The following CCDC30 variants were observed in gnomAD, a reference collection of about 807,000 sequenced individuals.
The protein encoded by CCDC30 is coiled-coil domain containing 30, also known as coiled-coil domain-containing protein 30.
In CCDC30, 70 loss-of-function variants were observed where a neutral mutation model predicts 100.2. The observed-to-expected ratio is 0.70, with a 90% CI of 0.58 to 0.85. The LOEUF (loss-of-function observed/expected upper bound fraction) is 0.85. Ranked by LOEUF, CCDC30 falls within the 40% of genes least tolerant of loss-of-function variation. CCDC30 has a pLI of 0.00. For missense variants in CCDC30, 652 were observed against 771.2 expected (o/e 0.85, Z 1.83); for synonymous variants, 233 against 269.5 (o/e 0.86, Z 1.33).
intron 6 of CCDC30, among the ~76,000 whole-genome samples, chr1:42,519,981 A>G (rs568723127): frequency 1.3e-5 from 2 of 152,264 alleles, no homozygotes; most frequent in East Asian, 1.9e-4. Context: ...TCCTAATTTA[A>G]TAATTTGAGT....
At chr1:42,570,776 T>C (rs1645717401) in intron 7 of CCDC30, among the ~76,000 whole-genome samples, 1 of 152,230 alleles carries the variant, frequency 6.6e-6, no homozygotes, top group Admixed American at 6.5e-5. Context: ...TCATTCCTGT[T>C]ATAGTGTATA....
intron 3 of CCDC30, among the ~76,000 whole-genome samples, chr1:42,484,259 A>G (rs1366829350): frequency 6.6e-6 from 1 of 152,192 alleles, no homozygotes; most frequent in Non-Finnish European, 1.5e-5. Flanking sequence ...AATTGTACAT[A>G]TTTGTCAGAA....
At chr1:42,554,021 G>A (rs1645314578) in intron 6 of CCDC30, among the ~76,000 whole-genome samples, 1 of 151,954 alleles carries the variant, frequency 6.6e-6, no homozygotes, top group African/African-American at 2.4e-5. Context: ...GTATGTATGT[G>A]TGTACACACG....
chr1:42,527,936 A>G (rs1273860625), intron 6 of CCDC30, among the ~76,000 whole-genome samples: 1 of 151,306 alleles, frequency 6.6e-6, no homozygotes, highest in East Asian at 1.9e-4. Context: ...CGCGATACCG[A>G]CTCACTGGAA....
At chr1:42,625,573 C>T (rs1307616550) in intron 11 of CCDC30, among the ~76,000 whole-genome samples, 1 of 152,016 alleles carries the variant, frequency 6.6e-6, no homozygotes, top group Non-Finnish European at 1.5e-5. Context: ...TCATTCGTTT[C>T]AATAAATTTT....
At chr1:42,643,254 T>A (rs1189245870) in intron 13 of CCDC30, among the ~76,000 whole-genome samples, 1 of 152,182 alleles carries the variant, frequency 6.6e-6, no homozygotes, top group Non-Finnish European at 1.5e-5. Context: ...TAGCCTTATT[T>A]TACAGATAGG....
intron 14 of CCDC30, among the ~76,000 whole-genome samples, chr1:42,645,436 A>G (rs1326310631): frequency 6.6e-6 from 1 of 152,100 alleles, no homozygotes; most frequent in Non-Finnish European, 1.5e-5. Flanking sequence ...GTACAGGTTC[A>G]GATCAGGTCC....
intron 6 of CCDC30, among the ~76,000 whole-genome samples, chr1:42,528,492 G>A (rs72659951): frequency 0.14 from 20,722 of 152,214 alleles, 1,554 homozygotes; most frequent in East Asian, 0.19. Context: ...AAAGCCTTCA[G>A]ATCACAATGC....
chr1:42,639,776 A>G (rs1018758537), intron 12 of CCDC30, among the ~76,000 whole-genome samples: 3 of 152,146 alleles, frequency 2.0e-5, no homozygotes, highest in African/African-American at 7.2e-5. Context: ...CACATTTTTC[A>G]TAGATGTTAT....
At chr1:42,585,299 T>C (rs996432453) in intron 9 of CCDC30, among the ~76,000 whole-genome samples, 1 of 152,152 alleles carries the variant, frequency 6.6e-6, no homozygotes. Context: ...GAGTCTTTGC[T>C]GTGTTGCCCA....
chr1:42,642,056 T>C (rs1470773360), intron 12 of CCDC30, among the ~76,000 whole-genome samples: 1 of 151,902 alleles, frequency 6.6e-6, no homozygotes, highest in Admixed American at 6.6e-5. Context: ...AAACCCCATC[T>C]CTACTAAAAA....
chr1:42,656,125 C>G (rs1327672706), downstream of CCDC30, among the ~76,000 whole-genome samples: 1 of 152,006 alleles, frequency 6.6e-6, no homozygotes, highest in Non-Finnish European at 1.5e-5. Context: ...CCCACCTAAG[C>G]CTCCTAGGTG....
intron 11 of CCDC30, among the ~76,000 whole-genome samples, chr1:42,622,325 A>G (rs1570276469): frequency 6.6e-6 from 1 of 152,068 alleles, no homozygotes; most frequent in Admixed American, 6.5e-5. Flanking sequence ...TATTTTCTTT[A>G]TCCAATCATC....
chr1:42,649,623 T>C (rs1281760887), intron 15 of CCDC30, among the ~76,000 whole-genome samples: 1 of 152,114 alleles, frequency 6.6e-6, no homozygotes, highest in Non-Finnish European at 1.5e-5. Context: ...GAGAAAGAAA[T>C]AAAAGGCATC....
At chr1:42,654,822 C>T (rs750990001), downstream of CCDC30, among the ~76,000 whole-genome samples, 2 of 150,884 alleles carry the variant, frequency 1.3e-5, no homozygotes, top group Non-Finnish European at 1.5e-5. Context: ...AACCAATTCT[C>T]CTGCCTCAGC....
intron 3 of CCDC30, among the ~76,000 whole-genome samples, chr1:42,488,895 G>A (rs1279839535): frequency 1.3e-5 from 2 of 152,066 alleles, no homozygotes; most frequent in African/African-American, 4.8e-5. Flanking sequence ...TTCTGGTTTG[G>A]CCTCTGCCTA....
At chr1:42,562,772 C>G (rs538257337) in intron 6 of CCDC30, among the ~76,000 whole-genome samples, 1 of 151,898 alleles carries the variant, frequency 6.6e-6, no homozygotes, top group Admixed American at 6.6e-5. Context: ...AAAAAAACAA[C>G]CCCATCAAAA....
At chr1:42,622,247 T>G (rs963410035) in intron 11 of CCDC30, among the ~76,000 whole-genome samples, 1 of 152,332 alleles carries the variant, frequency 6.6e-6, no homozygotes, top group East Asian at 1.9e-4. Flanking sequence ...GTTCCATCCA[T>G]GTATTGCAAA....
the CCDC30 span, among the ~76,000 whole-genome samples, chr1:42,458,005 A>C: frequency 6.6e-6 from 1 of 151,634 alleles, no homozygotes; most frequent in Non-Finnish European, 1.5e-5. Context: ...CAGAGGGTGT[A>C]CGAAGTGGGA....
Sources: gnomAD v4.1 joint callset for allele counts (sites outside exome capture counted in the v4.1 genomes callset) on GRCh38, gnomAD v4.1.1 for gene constraint, MANE v1.5 for transcripts, NCBI Gene and HGNC (gene_info 2026-07-23, HGNC 2026-07-21) for gene names.